CAMSAP1: variants seen among roughly 807,000 people sequenced by gnomAD.
The protein encoded by CAMSAP1 is calmodulin-regulated spectrin-associated protein 1.
In CAMSAP1, 58 loss-of-function variants were observed where a neutral mutation model predicts 143.5. That is an observed-to-expected ratio of 0.40 (90% confidence interval 0.33 to 0.50). The LOEUF (loss-of-function observed/expected upper bound fraction) is 0.50, where lower values mean the gene tolerates loss of function less well. Among genes scored for constraint, CAMSAP1 ranks in the 20% least tolerant of loss-of-function variants. CAMSAP1 has a pLI of 0.45. For synonymous variants in CAMSAP1, 945 were observed against 859.3 expected (o/e 1.10, Z -1.74); for missense variants, 1,969 against 2,115.7 (o/e 0.93, Z 1.36).
chr9:135,883,944 C>A (rs7850018), intron 1 of CAMSAP1, among the ~76,000 whole-genome samples: 1 of 152,132 alleles, frequency 6.6e-6, no homozygotes, highest in Non-Finnish European at 1.5e-5. Flanking sequence ...AGCATACACA[C>A]GGGACACCGA....
At position 135,818,339 on chromosome 9, in the gene CAMSAP1, G is replaced by C. The variant is rs144905747; in HGVS notation, c.4168+69C>G. 2,842 of 1,459,730 alleles carry C rather than the reference G, an allele frequency of 1.9e-3. 7 individuals carry two copies. The highest frequency in any genetic ancestry group is 2.3e-3 in the Non-Finnish European group (2,515 of 1,091,424). The allele number at this position is 1,459,730 out of a possible 1,614,324, so 90.4% of individuals were successfully genotyped here. ...CCACTCTTGATGACAAAATTGAAAT[G>C]AGCTGAAGAACGTGAGGCCGCCGCC... On this transcript the variant is annotated intron_variant, in intron 13 of 16. Coordinates refer to ENST00000389532, the MANE Select transcript of CAMSAP1 (RefSeq NM_015447.4). This position sits in a 1 kb window ranked among gnomAD's most constrained non-coding sequence, Gnocchi z 7.7.
In CAMSAP1 at chr9:135,810,121, T is replaced by C. The variant is rs1834991352; in HGVS notation, c.*1188A>G. 1 of 152,554 alleles carries C rather than the reference T, an allele frequency of 6.6e-6. No homozygotes were observed. The highest frequency in any genetic ancestry group is 2.1e-4 in the South Asian group (1 of 4,826). The allele number at this position is 152,554 out of a possible 1,614,324, so 9.5% of individuals were successfully genotyped here. A position where few individuals can be genotyped will look rare whatever the true frequency, so the allele number is the denominator to read the frequency against. ...GCAGCCATGGCTGGCACGCACCTGC[T>C]CCTGGGAATGTCCGCGCTCCACAGA... On this transcript the variant is annotated 3_prime_UTR_variant, in exon 17 of 17. Transcript: ENST00000389532.
chr9:135,825,328 T>C (rs548026551), intron 8 of CAMSAP1, among the ~76,000 whole-genome samples: 88 of 152,334 alleles, frequency 5.8e-4, no homozygotes, highest in South Asian at 2.1e-3. Flanking sequence ...TGTGAAGATA[T>C]TGATGAGTAA....
rs772567262 is a variant in CAMSAP1, at chr9:135,812,483, G to A, written c.4507-872C>T. 1.3e-4 allele frequency among the ~76,000 whole-genome samples: 20 copies of A among 152,230 alleles called. No homozygotes were observed. The East Asian group carries it at 2.9e-3, about 22-fold the overall frequency. On this transcript the variant is annotated intron_variant, in intron 16 of 16. Coordinates refer to ENST00000389532, the MANE Select transcript of CAMSAP1 (RefSeq NM_015447.4). ...GGCAAATCCATGGAGACAGACTGGC[G>A]ACCGCCAAGAGCTTGGGCGCGGGAA...
chr9:135,893,764 T>C (rs1246646185), intron 1 of CAMSAP1, among the ~76,000 whole-genome samples: 1 of 152,134 alleles, frequency 6.6e-6, no homozygotes, highest in Non-Finnish European at 1.5e-5. Flanking sequence ...CTCACAGTAA[T>C]ACTGACGAAA....
chr9:135,822,992 G>A lies in CAMSAP1; in HGVS notation c.1669C>T (p.Pro557Ser). The A allele has an allele frequency of 1.2e-6, 2 of 1,613,992 alleles. No homozygotes were observed. The highest frequency in any genetic ancestry group is 1.7e-6 in the Non-Finnish European group (2 of 1,179,900). ...CGGGGTGAGGCCCTGGGGAACTCCG[G>A]GTCAGCCTGCTGGGGAACCACGTCT... ...RADVVPQQAD[P>S]EFPRASPRAL... The change falls in exon 11 of 17, where the codon CCG (proline) becomes TCG (serine). Residue 557 changes from proline (P) to serine (S), a missense_variant. By Grantham distance (74) the Pro-to-Ser change is moderately conservative. Coordinates refer to ENST00000389532, the MANE Select transcript of CAMSAP1 (RefSeq NM_015447.4). This position sits in a 1 kb window ranked among gnomAD's most constrained non-coding sequence, Gnocchi z 6.1.
At chr9:135,866,279 G>T in intron 4 of CAMSAP1, 177 bp downstream of exon 4, 1 of 541,440 alleles carries the variant, frequency 1.8e-6, no homozygotes, top group East Asian at 3.0e-5. Flanking sequence ...GCAGGCTGCC[G>T]TGGTCACATC....
intron 1 of CAMSAP1, among the ~76,000 whole-genome samples, chr9:135,883,675 A>C (rs1262558308): frequency 6.6e-6 from 1 of 152,248 alleles, no homozygotes; most frequent in Non-Finnish European, 1.5e-5. Flanking sequence ...AGCAGCAGCA[A>C]TCAGCCTTTA....
At chr9:135,870,887 T>C (rs1837547632) in intron 3 of CAMSAP1, among the ~76,000 whole-genome samples, 1 of 152,250 alleles carries the variant, frequency 6.6e-6, no homozygotes, top group Non-Finnish European at 1.5e-5. Flanking sequence ...TATCTCAATT[T>C]CTTAAAAACA....
Position 135,818,420 on chromosome 9 carries a change from A to T in CAMSAP1, c.4156T>A (p.Cys1386Ser). ...EESCSDSGTK[C>S]SSTPDNLSRT... The stretch of plus-strand genomic sequence containing the variant: ...CGGGGCTGCTTACGGGTGGAGGAGC[A>T]CTTGGTGCCGGAGTCGCTGCACGAC... Residue 1386 changes from cysteine (C) to serine (S), a missense_variant, in exon 13 of 17, where the codon TGC becomes AGC. Around this residue, in one of 4 missense-constraint regions of CAMSAP1, gnomAD observed 1,390 missense variants for 1,420.8 expected, o/e 0.98. Coordinates refer to ENST00000389532, the MANE Select transcript of CAMSAP1 (RefSeq NM_015447.4). This position sits in a 1 kb window ranked among gnomAD's most constrained non-coding sequence, Gnocchi z 7.7. The T allele has an allele frequency of 6.3e-7, 1 of 1,584,330 alleles. No individual in the cohort carries two copies. Among genetic ancestry groups the T allele is most frequent in the Non-Finnish European group, 8.5e-7 (1 of 1,170,946 alleles).
Position 135,811,620 on chromosome 9 carries a change from A to C in CAMSAP1, c.4507-9T>G, listed in dbSNP as rs775115359. 4.4e-6 allele frequency: 7 copies of C among 1,573,160 alleles called. No homozygotes were observed. The highest frequency in any genetic ancestry group is 6.0e-6 in the Non-Finnish European group (7 of 1,158,552). ...TCACACTTCTCCAGCTCCTGTGCAGAGAGAGAAAAGGGGAAGAGACAAACA... is the reference window on the plus strand; with the variant it reads ...TCACACTTCTCCAGCTCCTGTGCAGCGAGAGAAAAGGGGAAGAGACAAACA... On this transcript the variant is annotated splice_polypyrimidine_tract_variant and intron_variant, in intron 16 of 16. Coordinates refer to ENST00000389532, the MANE Select transcript of CAMSAP1 (RefSeq NM_015447.4). The surrounding 1 kb of genome is among the most constrained non-coding windows in gnomAD (Gnocchi z 4.9).
rs982595341 is a variant in CAMSAP1, at chr9:135,820,001, A to C, written c.3822+838T>G. Among the ~76,000 whole-genome samples the C allele has an allele frequency of 6.6e-6, 1 of 152,232 alleles. No individual in the cohort carries two copies. The highest frequency in any genetic ancestry group is 2.4e-5 in the African/African-American group (1 of 41,466). ...TCATAACTGCCTGGAGGCAAAGCAG[A>C]AACAGTTGCGTGTCGCTTGCCGAGA... On this transcript the variant is annotated intron_variant, in intron 11 of 16. Transcript: ENST00000389532. This position sits in a 1 kb window ranked among gnomAD's most constrained non-coding sequence, Gnocchi z 4.4.
intron 1 of CAMSAP1, among the ~76,000 whole-genome samples, chr9:135,885,650 G>A (rs1202322944): frequency 6.6e-6 from 1 of 152,192 alleles, no homozygotes; most frequent in Non-Finnish European, 1.5e-5. Flanking sequence ...AAGTAGAAAC[G>A]TTTGCCATAG....
At chr9:135,815,600 G>C (rs1835202553) in intron 15 of CAMSAP1, among the ~76,000 whole-genome samples, 1 of 152,228 alleles carries the variant, frequency 6.6e-6, no homozygotes, top group South Asian at 2.1e-4. Flanking sequence ...CAGCTGGTGA[G>C]AGCCAAGCAC....
intron 1 of CAMSAP1, among the ~76,000 whole-genome samples, chr9:135,904,791 C>T (rs1035636902): frequency 1.3e-5 from 2 of 152,072 alleles, no homozygotes; most frequent in South Asian, 2.1e-4. Flanking sequence ...TATGGAGTAA[C>T]CCGTCTCTAC....
At position 135,847,697 on chromosome 9, in the gene CAMSAP1, C is replaced by CG. The variant is rs1242752824; in HGVS notation, c.1045+2439dup. Among the ~76,000 whole-genome samples the CG allele has an allele frequency of 4.8e-5, 7 of 146,668 alleles. No individual in the cohort carries two copies. In the East Asian group the frequency reaches 1.0e-3, roughly 22 times the overall value. ...AGGGAGGGGAACATCACACACCTGT[C>CG]GGGGGGTGGGAGGGCTAGGAGAGGG... is the stretch of plus-strand genomic sequence containing the variant. On this transcript the variant is annotated intron_variant, in intron 7 of 16. Transcript: ENST00000389532.
In CAMSAP1 at chr9:135,824,753, G is replaced by GA. The variant is rs762143007; in HGVS notation, c.1315+35dup. ...TGATTTTACTAATCTATAGTAAGGA[G>GA]AAATTAAGGAAAAAAGGAGGAAACA... On this transcript the variant is annotated intron_variant, in intron 9 of 16. Transcript: ENST00000389532. The surrounding 1 kb of genome is among the most constrained non-coding windows in gnomAD (Gnocchi z 4.1). The GA allele has an allele frequency of 9.8e-5, 132 of 1,347,666 alleles. No homozygotes were observed. The highest frequency in any genetic ancestry group is 2.6e-4 in the Admixed American group (10 of 38,968). The allele number at this position is 1,347,666 out of a possible 1,614,324, so 83.5% of individuals were successfully genotyped here.
intron 1 of CAMSAP1, among the ~76,000 whole-genome samples, chr9:135,895,518 G>A (rs1838421141): frequency 6.6e-6 from 1 of 152,116 alleles, no homozygotes; most frequent in Non-Finnish European, 1.5e-5. Context: ...AAATAAAGAT[G>A]TTTTCTGGTG....
At chr9:135,858,689 G>A (rs1325486407) in intron 5 of CAMSAP1, among the ~76,000 whole-genome samples, 2 of 152,262 alleles carry the variant, frequency 1.3e-5, no homozygotes, top group African/African-American at 4.8e-5. Flanking sequence ...CTGCAAGCTA[G>A]TGAATCAGAG....
Sources: gnomAD v4.1 joint callset for allele counts (sites outside exome capture counted in the v4.1 genomes callset) on GRCh38, gnomAD v4.1.1 for gene constraint, gnomAD v4.1.1 regional missense constraint, Gnocchi (gnomAD v3.1) non-coding constraint, MANE v1.5 for transcripts, NCBI Gene and HGNC (gene_info 2026-07-23, HGNC 2026-07-21) for gene names.